Variants in MAP2K6 observed in about 807,000 individuals in gnomAD.
MAP2K6 encodes mitogen-activated protein kinase kinase 6.
A neutral mutation model predicts 53.7 loss-of-function variants in MAP2K6; 16 were observed. The ratio of observed to expected loss-of-function variants is 0.30; its 90% CI spans 0.20 to 0.45. MAP2K6 has a LOEUF of 0.45. Ranked by LOEUF, MAP2K6 falls within the 20% of genes least tolerant of loss-of-function variation. The pLI, the probability that MAP2K6 is intolerant of heterozygous loss-of-function variation, is 1.00. For missense variants in MAP2K6, 204 were observed against 411.9 expected (o/e 0.50, Z 4.37); for synonymous variants, 132 against 143.1 (o/e 0.92, Z 0.55).
intron 7 of MAP2K6, chr17:69,521,498 A>G (rs578176693): frequency 1.2e-5 from 2 of 163,506 alleles, no homozygotes; most frequent in African/African-American, 4.8e-5. Flanking sequence ...TTTCCGGGTG[A>G]TTCTTGTGCA....
At chr17:69,535,929 G>T (rs913471948) in intron 10 of MAP2K6, 186 bp from the exon 11 acceptor site, 1 of 518,406 alleles carries the variant, frequency 1.9e-6, no homozygotes, top group Non-Finnish European at 3.5e-6. Context: ...TCCCATTAAG[G>T]CACAACCAGG....
At chr17:69,519,180 C>G (rs1470405600) in intron 4 of MAP2K6, 133 bp from the exon 5 acceptor site, 12 of 906,978 alleles carry the variant, frequency 1.3e-5, no homozygotes, top group Non-Finnish European at 2.0e-5. Flanking sequence ...TAGCTAATCA[C>G]TTTGGGTGGC....
At chr17:69,532,562 G>A (rs1424890875) in intron 10 of MAP2K6, among the ~76,000 whole-genome samples, 1 of 152,204 alleles carries the variant, frequency 6.6e-6, no homozygotes, top group Non-Finnish European at 1.5e-5. Flanking sequence ...AGTTGTTATT[G>A]TATACTGAAT....
chr17:69,424,951 C>A (rs953870387), intron 1 of MAP2K6, among the ~76,000 whole-genome samples: 5 of 152,194 alleles, frequency 3.3e-5, no homozygotes, highest in Non-Finnish European at 7.3e-5. Flanking sequence ...ATGTAGGTAA[C>A]AAATATTGCT....
chr17:69,452,045 C>T (rs1307290233), intron 1 of MAP2K6, among the ~76,000 whole-genome samples: 1 of 152,032 alleles, frequency 6.6e-6, no homozygotes, highest in African/African-American at 2.4e-5. Context: ...GGGATGGAGG[C>T]AGTAGGAATG....
chr17:69,522,611 G>A (rs374634402), intron 7 of MAP2K6, among the ~76,000 whole-genome samples: 5 of 152,132 alleles, frequency 3.3e-5, no homozygotes, highest in South Asian at 4.1e-4. Flanking sequence ...GGGCGGGTGG[G>A]TTAAATTTTT....
At chr17:69,532,609 T>TC (rs970639044) in intron 10 of MAP2K6, among the ~76,000 whole-genome samples, 2 of 152,206 alleles carry the variant, frequency 1.3e-5, no homozygotes, top group Non-Finnish European at 2.9e-5. Flanking sequence ...AAATTTGCTT[T>TC]CCCCCCAACC....
At chr17:69,500,488 G>T (rs1430518452) in intron 1 of MAP2K6, among the ~76,000 whole-genome samples, 1 of 147,072 alleles carries the variant, frequency 6.8e-6, no homozygotes, top group Admixed American at 6.8e-5. Flanking sequence ...CGGCCATGGT[G>T]GCTCACGCCT....
rs773808165 is a variant in MAP2K6, at chr17:69,517,586, G to A, written c.219G>A (p.Val73=). Residue 73 remains valine, a synonymous_variant, in exon 4 of 12, where the codon GTG becomes GTA. Coordinates refer to ENST00000590474, the MANE Select transcript of MAP2K6 (RefSeq NM_002758.4). The part of the protein sequence containing the change: ...AYGVVEKMRH[V]PSGQIMAVKR... ...GGGTGGTGGAGAAGATGCGGCACGT[G>A]CCCAGCGGGCAGATCATGGCAGTGA... is the stretch of plus-strand genomic sequence containing the variant. The A allele has an allele frequency of 1.6e-5, 25 of 1,605,432 alleles. No individual in the cohort carries two copies. The highest frequency in any genetic ancestry group is 2.0e-5 in the Non-Finnish European group (23 of 1,174,902).
chr17:69,471,339 C>A (rs942927940), intron 1 of MAP2K6, among the ~76,000 whole-genome samples: 22 of 152,066 alleles, frequency 1.4e-4, no homozygotes, highest in African/African-American at 5.3e-4. Context: ...TACTATACAG[C>A]CACAGAGGAG....
chr17:69,511,497 G>A (rs531138221), intron 2 of MAP2K6, among the ~76,000 whole-genome samples: 64 of 152,272 alleles, frequency 4.2e-4, no homozygotes, highest in African/African-American at 1.5e-3. Flanking sequence ...CTTTCTTTGA[G>A]CTACCGATGC....
chr17:69,502,811 T>C, intron 1 of MAP2K6: 1 of 578,920 alleles, frequency 1.7e-6, no homozygotes, highest in Non-Finnish European at 2.2e-6. Flanking sequence ...TTTATTCCTT[T>C]GGTCTCTGTG....
chr17:69,469,042 CAG>C (rs1171823081), intron 1 of MAP2K6, among the ~76,000 whole-genome samples: 1 of 152,188 alleles, frequency 6.6e-6, no homozygotes, highest in Non-Finnish European at 1.5e-5. Context: ...TGGTCTGCAG[CAG>C]AGAGTGCAGG....
intron 1 of MAP2K6, among the ~76,000 whole-genome samples, chr17:69,477,950 ACT>A (rs1567832287): frequency 6.6e-6 from 1 of 152,114 alleles, no homozygotes. Context: ...AGGAAAAAGA[ACT>A]CTTCATAAAC....
chr17:69,485,900 A>C (rs1037229713), intron 1 of MAP2K6, among the ~76,000 whole-genome samples: 1 of 152,198 alleles, frequency 6.6e-6, no homozygotes, highest in Non-Finnish European at 1.5e-5. Context: ...ATGTACAAAA[A>C]GTCCCAAGCA....
chr17:69,449,364 G>T (rs1193207043), intron 1 of MAP2K6, among the ~76,000 whole-genome samples: 2 of 151,666 alleles, frequency 1.3e-5, no homozygotes, highest in Non-Finnish European at 2.9e-5. Flanking sequence ...CAGCAAGCAG[G>T]TGCTGTGGAA....
chr17:69,498,494 G>T (rs1434865329), intron 1 of MAP2K6, among the ~76,000 whole-genome samples: 1 of 152,124 alleles, frequency 6.6e-6, no homozygotes. Flanking sequence ...GGACCCACCT[G>T]CATGGGTCCT....
chr17:69,504,401 C>G (rs1396658537), intron 1 of MAP2K6: 2 of 152,344 alleles, frequency 1.3e-5, no homozygotes, highest in Non-Finnish European at 2.9e-5. Flanking sequence ...TCAGCCTCCC[C>G]TGTAGCTGGG....
At chr17:69,534,629 T>G (rs1317979866) in intron 10 of MAP2K6, among the ~76,000 whole-genome samples, 1 of 151,960 alleles carries the variant, frequency 6.6e-6, no homozygotes, top group African/African-American at 2.4e-5. Context: ...ACTACTTCGC[T>G]CTCTCATGGT....
Sources: allele counts gnomAD v4.1 joint callset (sites outside exome capture counted in the v4.1 genomes callset), GRCh38; gene constraint gnomAD v4.1.1; transcripts MANE v1.5; gene names NCBI Gene and HGNC (gene_info 2026-07-23, HGNC 2026-07-21).